NKAIN3: variants seen among roughly 807,000 people sequenced by gnomAD.
NKAIN3 encodes the protein sodium/potassium-transporting ATPase subunit beta-1-interacting protein 3.
In NKAIN3, 25 loss-of-function variants were observed where a neutral mutation model predicts 30.2. The ratio of observed to expected loss-of-function variants is 0.83; its 90% CI spans 0.60 to 1.16. The LOEUF (loss-of-function observed/expected upper bound fraction) is 1.16. Ranked by LOEUF, NKAIN3 falls within the 50% of genes most tolerant of loss-of-function variation. The probability of loss-of-function intolerance (pLI) is 0.00; values close to 1 mark genes in which losing one functional copy is unlikely to be tolerated. For missense variants in NKAIN3, 225 were observed against 254.1 expected (o/e 0.89, Z 0.78); for synonymous variants, 91 against 89.6 (o/e 1.02, Z -0.09).
intron 5 of NKAIN3, among the ~76,000 whole-genome samples, chr8:62,940,691 G>C (rs540358803): frequency 6.6e-6 from 1 of 152,056 alleles, no homozygotes; most frequent in Non-Finnish European, 1.5e-5. Flanking sequence ...ATGAAATCAA[G>C]ATGGAAACTT....
chr8:62,700,260 T>G (rs1281803398), intron 3 of NKAIN3, among the ~76,000 whole-genome samples: 1 of 152,206 alleles, frequency 6.6e-6, no homozygotes, highest in Non-Finnish European at 1.5e-5. Context: ...CAGACAATTT[T>G]GGAGGTTCAA....
Position 62,850,920 on chromosome 8 carries a change from C to T in NKAIN3, c.472-67533C>T, listed in dbSNP as rs549216436. On this transcript the variant is annotated intron_variant, in intron 4 of 6. Transcript: ENST00000623646. The stretch of plus-strand genomic sequence containing the variant: ...CTCCAGCTTTGTTCTTTTGGCTTAG[C>T]ATTGTCTTGGCTATGTGGGGTCTTT... 2.3e-3 allele frequency among the ~76,000 whole-genome samples: 349 copies of T among 152,056 alleles called. 4 individuals carry two copies. Among genetic ancestry groups the T allele is most frequent in the Non-Finnish European group, 3.1e-3 (212 of 67,958 alleles).
intron 4 of NKAIN3, among the ~76,000 whole-genome samples, chr8:62,753,050 A>G (rs1457066639): frequency 6.6e-6 from 1 of 152,158 alleles, no homozygotes; most frequent in Non-Finnish European, 1.5e-5. Context: ...TAATAAGTTT[A>G]GACTACCTTA....
intron 4 of NKAIN3, among the ~76,000 whole-genome samples, chr8:62,892,706 G>A (rs1298569191): frequency 6.6e-6 from 1 of 151,972 alleles, no homozygotes; most frequent in Non-Finnish European, 1.5e-5. Context: ...AAAAAAAATA[G>A]TTGTTTAATT....
intron 1 of NKAIN3, among the ~76,000 whole-genome samples, chr8:62,512,585 A>G (rs1563433908): frequency 6.6e-6 from 1 of 152,032 alleles, no homozygotes; most frequent in Non-Finnish European, 1.5e-5. Context: ...CTTAATCTCA[A>G]ATTCCACTAT....
intron 4 of NKAIN3, among the ~76,000 whole-genome samples, chr8:62,837,118 G>A (rs1048747686): frequency 6.6e-6 from 1 of 152,074 alleles, no homozygotes; most frequent in African/African-American, 2.4e-5. Context: ...TCCAGTGTTA[G>A]AACCTTGTAA....
chr8:62,822,628 G>C (rs965819703), intron 4 of NKAIN3, among the ~76,000 whole-genome samples: 1 of 152,146 alleles, frequency 6.6e-6, no homozygotes, highest in South Asian at 2.1e-4. Flanking sequence ...GGTCACTGAT[G>C]TTATATTATA....
intron 4 of NKAIN3, among the ~76,000 whole-genome samples, chr8:62,797,494 T>G (rs1320855211): frequency 2.0e-5 from 3 of 152,196 alleles, no homozygotes; most frequent in Non-Finnish European, 2.9e-5. Flanking sequence ...TGGAGTGCCC[T>G]TCCATTGTTT....
At chr8:62,454,979 C>G (rs982270784) in intron 1 of NKAIN3, among the ~76,000 whole-genome samples, 1 of 152,164 alleles carries the variant, frequency 6.6e-6, no homozygotes, top group African/African-American at 2.4e-5. Context: ...CATGCCAACT[C>G]AGGTGGAATC....
intron 3 of NKAIN3, among the ~76,000 whole-genome samples, chr8:62,652,959 C>G (rs1163746003): frequency 6.6e-6 from 1 of 152,022 alleles, no homozygotes; most frequent in Non-Finnish European, 1.5e-5. Flanking sequence ...AGAAACAGAA[C>G]CAGGAAAGGG....
At chr8:62,851,105 A>G (rs1469144186) in intron 4 of NKAIN3, among the ~76,000 whole-genome samples, 3 of 151,958 alleles carry the variant, frequency 2.0e-5, no homozygotes, top group African/African-American at 7.3e-5. Flanking sequence ...ATGTTCTTCC[A>G]TTTGCTTGTA....
intron 1 of NKAIN3, among the ~76,000 whole-genome samples, chr8:62,322,602 C>G (rs924662768): frequency 1.3e-5 from 2 of 152,174 alleles, no homozygotes; most frequent in African/African-American, 4.8e-5. Flanking sequence ...GATACTCAAC[C>G]TGTATTGGAA....
chr8:62,353,142 T>C (rs1377344956), intron 1 of NKAIN3, among the ~76,000 whole-genome samples: 1 of 152,140 alleles, frequency 6.6e-6, no homozygotes, highest in Non-Finnish European at 1.5e-5. Flanking sequence ...GACTGTGCTA[T>C]AGAGATCTGT....
chr8:62,814,721 C>T (rs575879547), intron 4 of NKAIN3, among the ~76,000 whole-genome samples: 155 of 152,110 alleles, frequency 1.0e-3, no homozygotes, highest in Non-Finnish European at 1.8e-3. Flanking sequence ...CTCTGGGACA[C>T]ATTCAAAGCA....
intron 4 of NKAIN3, among the ~76,000 whole-genome samples, chr8:62,835,370 C>T (rs747275323): frequency 7.2e-5 from 11 of 152,196 alleles, no homozygotes; most frequent in South Asian, 2.1e-4. Flanking sequence ...ATACTATTGA[C>T]GGAGTAAACA....
chr8:62,895,146 T>C (rs1237701741), intron 4 of NKAIN3, among the ~76,000 whole-genome samples: 1 of 152,210 alleles, frequency 6.6e-6, no homozygotes, highest in Admixed American at 6.5e-5. Flanking sequence ...ACCCACAATA[T>C]AGAAGCCTAC....
intron 3 of NKAIN3, among the ~76,000 whole-genome samples, chr8:62,607,444 C>T (rs150541489): frequency 1.3e-5 from 2 of 152,200 alleles, no homozygotes; most frequent in African/African-American, 4.8e-5. Context: ...TCACTCAGTG[C>T]TTGAATGCAC....
At chr8:62,867,155 C>T (rs190540978) in intron 4 of NKAIN3, among the ~76,000 whole-genome samples, 180 of 149,026 alleles carry the variant, frequency 1.2e-3, no homozygotes, top group African/African-American at 4.3e-3. Flanking sequence ...CTCTATTTTT[C>T]GTATTCAAGA....
At chr8:62,845,285 TTATATA>T (rs10525699) in intron 4 of NKAIN3, among the ~76,000 whole-genome samples, 38 of 68,922 alleles carry the variant, frequency 5.5e-4, no homozygotes, top group Admixed American at 1.3e-3. Flanking sequence ...GGATAGTAGA[TTATATA>T]TATATATATA....
Sources: gnomAD v4.1 joint callset for allele counts (sites outside exome capture counted in the v4.1 genomes callset) on GRCh38, gnomAD v4.1.1 for gene constraint, MANE v1.5 for transcripts, NCBI Gene and HGNC (gene_info 2026-07-23, HGNC 2026-07-21) for gene names.